Variants in INPP4B observed in about 807,000 individuals in gnomAD.
INPP4B encodes inositol polyphosphate-4-phosphatase type II B, also known as inositol polyphosphate 4-phosphatase type II.
INPP4B carries 55 observed loss-of-function variants against 122.5 expected under a neutral mutation model. That is an observed-to-expected ratio of 0.45 (90% CI 0.36 to 0.56). The LOEUF (loss-of-function observed/expected upper bound fraction) is 0.56. INPP4B is among the 20% of genes least tolerant of loss of function. The probability of loss-of-function intolerance (pLI) is 0.00; values close to 1 mark genes in which losing one functional copy is unlikely to be tolerated. For synonymous variants in INPP4B, 403 were observed against 388.7 expected (o/e 1.04, Z -0.43); for missense variants, 1,000 against 1,097.7 (o/e 0.91, Z 1.26).
intron 7 of INPP4B, among the ~76,000 whole-genome samples, chr4:142,343,019 TGCAAA>T (rs1440503112): frequency 6.6e-6 from 1 of 152,090 alleles, no homozygotes; most frequent in Admixed American, 6.6e-5. Context: ...AGTGGAGAAA[TGCAAA>T]GCAAAGAATG....
At chr4:142,625,873 G>T (rs539063120) in intron 2 of INPP4B, among the ~76,000 whole-genome samples, 60 of 152,232 alleles carry the variant, frequency 3.9e-4, no homozygotes, top group African/African-American at 1.4e-3. Context: ...ACAAAAACAA[G>T]AAATGGGGAA....
At chr4:142,160,109 CTG>C in intron 17 of INPP4B, among the ~76,000 whole-genome samples, 1 of 152,024 alleles carries the variant, frequency 6.6e-6, no homozygotes, top group East Asian at 1.9e-4. Flanking sequence ...AGTCTTGTAA[CTG>C]TGGCATCTTT....
intron 1 of INPP4B, among the ~76,000 whole-genome samples, chr4:142,751,860 T>A (rs1464623245): frequency 6.6e-6 from 1 of 152,112 alleles, no homozygotes; most frequent in Non-Finnish European, 1.5e-5. Flanking sequence ...CTTACAAAAC[T>A]GTCCCCAAGG....
chr4:142,341,422 C>A (rs62328288), intron 7 of INPP4B, among the ~76,000 whole-genome samples: 1,114 of 8,724 alleles, frequency 0.13, 7 homozygotes, highest in South Asian at 0.5. Flanking sequence ...AATACATAGG[C>A]ATTTGAGTAA....
At chr4:142,329,710 A>G (rs1371898582) in intron 7 of INPP4B, among the ~76,000 whole-genome samples, 1 of 152,198 alleles carries the variant, frequency 6.6e-6, no homozygotes, top group Non-Finnish European at 1.5e-5. Context: ...TATTTATAGA[A>G]AGCAGTTTAA....
intron 2 of INPP4B, among the ~76,000 whole-genome samples, chr4:142,624,665 A>G (rs1745880593): frequency 6.6e-6 from 1 of 152,162 alleles, no homozygotes; most frequent in African/African-American, 2.4e-5. Context: ...AGCCAGGCAA[A>G]GACACAACCC....
At chr4:142,099,486 G>C (rs2152630273) in intron 23 of INPP4B, among the ~76,000 whole-genome samples, 1 of 152,194 alleles carries the variant, frequency 6.6e-6, no homozygotes, top group Middle Eastern at 3.4e-3. Context: ...ATAAAGCAAA[G>C]TTATTGGAAG....
chr4:142,130,368 A>G lies in INPP4B; in HGVS notation c.1721-5608T>C, dbSNP rs543824678. Among the ~76,000 whole-genome samples the G allele has an allele frequency of 7.8e-4, 119 of 152,316 alleles. 1 individual carries two copies. Among genetic ancestry groups the G allele is most frequent in the African/African-American group, 2.7e-3 (114 of 41,580 alleles). ...GATCACTCAGTGATTTGGAGAAGGC[A>G]GGAATAAAACAGAAGTAAATGTTAA... is the stretch of plus-strand genomic sequence containing the variant. On this transcript the variant is annotated intron_variant, in intron 18 of 25. Coordinates refer to ENST00000262992, the MANE Select transcript of INPP4B (RefSeq NM_001101669.3).
intron 2 of INPP4B, among the ~76,000 whole-genome samples, chr4:142,532,323 C>T (rs561842391): frequency 2.6e-5 from 4 of 152,126 alleles, no homozygotes; most frequent in African/African-American, 4.8e-5. Context: ...CCCTCCCAGT[C>T]GAAGATCTTT....
chr4:142,394,138 GTTTT>G (rs747330670), intron 7 of INPP4B, among the ~76,000 whole-genome samples: 1 of 151,372 alleles, frequency 6.6e-6, no homozygotes, highest in African/African-American at 2.4e-5. Context: ...GTTTTGTGTG[GTTTT>G]TTTTGTTTGT....
At chr4:142,842,565 AATATATG>A (rs1198358780) in intron 1 of INPP4B, among the ~76,000 whole-genome samples, 1 of 141,618 alleles carries the variant, frequency 7.1e-6, no homozygotes, top group East Asian at 2.0e-4. Context: ...TATAATATAT[AATATATG>A]ATATATAAGA....
At chr4:142,706,981 T>C (rs1425932315) in intron 2 of INPP4B, among the ~76,000 whole-genome samples, 1 of 152,254 alleles carries the variant, frequency 6.6e-6, no homozygotes, top group Non-Finnish European at 1.5e-5. Flanking sequence ...GTCTGGCTCC[T>C]ATGAATTATC....
At chr4:142,205,892 T>C (rs1389960485) in intron 14 of INPP4B, among the ~76,000 whole-genome samples, 1 of 152,148 alleles carries the variant, frequency 6.6e-6, no homozygotes, top group Admixed American at 6.6e-5. Flanking sequence ...TACTGTTCTA[T>C]TCAAGCTATT....
chr4:142,493,817 T>G (rs1822181228), intron 2 of INPP4B, among the ~76,000 whole-genome samples: 1 of 152,126 alleles, frequency 6.6e-6, no homozygotes, highest in African/African-American at 2.4e-5. Flanking sequence ...TGGTAAGTCA[T>G]GATTGTGTTT....
rs1770457916 is a variant in INPP4B, at chr4:142,322,465, GC to G, written c.373-7704del. Among the ~76,000 whole-genome samples the G allele has an allele frequency of 2.6e-5, 4 of 152,228 alleles. No individual in the cohort carries two copies. In the South Asian group the frequency reaches 8.3e-4, roughly 32 times the overall value. On this transcript the variant is annotated intron_variant, in intron 7 of 25. Coordinates refer to ENST00000262992, the MANE Select transcript of INPP4B (RefSeq NM_001101669.3). ...GTAGGTAAAATTAATGAAAGGAGTG[GC>G]CTGGGTGTTTGAGACAATAGGAATT...
intron 1 of INPP4B, among the ~76,000 whole-genome samples, chr4:142,807,643 T>C (rs567221072): frequency 6.6e-6 from 1 of 152,256 alleles, no homozygotes; most frequent in South Asian, 2.1e-4. Flanking sequence ...AACCATCCAC[T>C]GAGATATGAT....
At chr4:142,283,882 A>T (rs897110322) in intron 9 of INPP4B, among the ~76,000 whole-genome samples, 1 of 152,076 alleles carries the variant, frequency 6.6e-6, no homozygotes, top group Admixed American at 6.6e-5. Flanking sequence ...ACCCTTTAAC[A>T]TTTATAGGTG....
Position 142,451,319 on chromosome 4 carries a change from C to T in INPP4B, c.-127+11344G>A, listed in dbSNP as rs1037300836. On this transcript the variant is annotated intron_variant, in intron 3 of 25. Coordinates refer to ENST00000262992, the MANE Select transcript of INPP4B (RefSeq NM_001101669.3). ...AGGCTGTAGTGCAGTGGCATGATCA[C>T]GACTCACTGCAATCTCTGCCTCCTG... Among the ~76,000 whole-genome samples the T allele has an allele frequency of 1.1e-4, 15 of 141,490 alleles. 1 individual carries two copies. Among genetic ancestry groups the T allele is most frequent in the African/African-American group, 1.8e-4 (7 of 37,968 alleles). 92.8% of individuals were successfully genotyped at this position (141,490 alleles called of 152,430 possible). A position where few individuals can be genotyped will look rare whatever the true frequency, so the allele number is the denominator to read the frequency against.
intron 2 of INPP4B, among the ~76,000 whole-genome samples, chr4:142,523,744 T>A: frequency 6.7e-6 from 1 of 149,916 alleles, no homozygotes; most frequent in East Asian, 2.0e-4. Context: ...GCCACGCTGG[T>A]GCGCTGCACC....
Sources: allele counts gnomAD v4.1 joint callset (sites outside exome capture counted in the v4.1 genomes callset), GRCh38; gene constraint gnomAD v4.1.1; transcripts MANE v1.5; gene names NCBI Gene and HGNC (gene_info 2026-07-23, HGNC 2026-07-21).